The following TYRO3 variants were observed in gnomAD, a reference collection of about 807,000 sequenced individuals.
The protein encoded by TYRO3 is TYRO3 protein tyrosine kinase.
Under a neutral mutation model 95.2 loss-of-function variants are expected in TYRO3, and 38 were observed. That is an observed-to-expected ratio of 0.40 (90% confidence interval 0.31 to 0.52). TYRO3 has a LOEUF of 0.52. Among genes scored for constraint, TYRO3 ranks in the 20% least tolerant of loss-of-function variants. TYRO3 has a pLI of 0.56. For missense variants in TYRO3, 812 were observed against 1,116.4 expected (o/e 0.73, Z 3.89); for synonymous variants, 367 against 432.9 (o/e 0.85, Z 1.89).
chr15:41,559,272 G>C lies in TYRO3; in HGVS notation c.15G>C (p.Arg5=), dbSNP rs1418136980. The change falls in exon 1 of 19, where the codon CGG becomes CGC. Residue 5 remains arginine, a synonymous_variant. Coordinates refer to ENST00000263798, the MANE Select transcript of TYRO3 (RefSeq NM_006293.4). MALR[R]SMGRPGLPPL... ...CGTCGCCGCCGATGGCGCTGAGGCGGAGCATGGGGCGGCCGGGGCTCCCGC... is the reference window on the plus strand; with the variant it reads ...CGTCGCCGCCGATGGCGCTGAGGCGCAGCATGGGGCGGCCGGGGCTCCCGC... 4.2e-6 allele frequency: 2 copies of C among 472,614 alleles called. No individual in the cohort carries two copies. The highest frequency in any genetic ancestry group is 6.2e-4 in the Middle Eastern group (1 of 1,604). The allele number at this position is 472,614 out of a possible 1,614,324, so 29.3% of individuals were successfully genotyped here.
At chr15:41,569,630 G>A (rs1385604480) in intron 9 of TYRO3, among the ~76,000 whole-genome samples, 1 of 152,114 alleles carries the variant, frequency 6.6e-6, no homozygotes, top group Non-Finnish European at 1.5e-5. Context: ...AGTCAGGTGT[G>A]ATGTTGCACA....
At chr15:41,572,857 CT>C in intron 15 of TYRO3, 144 bp from the exon 16 acceptor site, 1 of 757,830 alleles carries the variant, frequency 1.3e-6, no homozygotes, top group Middle Eastern at 2.4e-4. Flanking sequence ...CCGAAGCTTC[CT>C]TGCCTTGGGA....
chr15:41,573,474 A>G lies in TYRO3; in HGVS notation c.2145+7A>G. The G allele has an allele frequency of 1.9e-6, 2 of 1,038,680 alleles. No homozygotes were observed. The highest frequency in any genetic ancestry group is 1.3e-5 in the South Asian group (1 of 74,290). 64.3% of individuals were successfully genotyped at this position (1,038,680 alleles called of 1,614,324 possible). The stretch of plus-strand genomic sequence containing the variant: ...TACTGTGCAGAGTGACGTGGTGAGC[A>G]GGGTGGCCCGTGAAGCTTGGTGGGG... On this transcript the variant is annotated splice_region_variant and intron_variant, in intron 17 of 18. Transcript: ENST00000263798.
chr15:41,564,107 C>T, intron 4 of TYRO3, 77 bp from the exon 5 acceptor site: 4 of 1,352,912 alleles, frequency 3.0e-6, no homozygotes, highest in Non-Finnish European at 4.2e-6. Context: ...AGACCAGAGC[C>T]TGAGTATTCC....
chr15:41,574,781 G>A (rs1047051839), intron 18 of TYRO3: 13 of 453,444 alleles, frequency 2.9e-5, no homozygotes, highest in South Asian at 7.8e-5. Context: ...GTGCAGTGGC[G>A]TGATCTCTGC....
chr15:41,571,626 G>C lies in TYRO3; in HGVS notation c.1692G>C (p.Glu564Asp). The C allele has an allele frequency of 2.5e-6, 4 of 1,613,922 alleles. No individual in the cohort carries two copies. Among genetic ancestry groups the C allele is most frequent in the Non-Finnish European group, 3.4e-6 (4 of 1,179,838 alleles). ...TCATTGCCTCAAGCGACATTGAAGA[G>C]TTCCTCAGGGAAGCAGCTTGCATGA... The part of the protein sequence containing the change: ...ADIIASSDIE[E>D]FLREAACMKE... The change falls in exon 14 of 19, where the codon GAG (glutamate) becomes GAC (aspartate). Residue 564 changes from glutamate (E) to aspartate (D), a missense_variant. Coordinates refer to ENST00000263798, the MANE Select transcript of TYRO3 (RefSeq NM_006293.4).
Position 41,573,803 on chromosome 15 carries a change from G to T in TYRO3, c.2270G>T (p.Cys757Phe). Reference sequence around the variant, plus strand: ...AACCGCCTGAAACAGCCTCCGGAGTGTATGGAGGACGTGTGAGTATCCTGG... The same window carrying T: ...AACCGCCTGAAACAGCCTCCGGAGTTTATGGAGGACGTGTGAGTATCCTGG... The part of the protein sequence containing the change: ...GGNRLKQPPE[C>F]MEDVYDLMYQ... The change falls in exon 18 of 19, where the codon TGT becomes TTT. Residue 757 changes from cysteine to phenylalanine, a missense_variant. By Grantham distance (205) the Cys-to-Phe change is radical (BLOSUM62 -2). Coordinates refer to ENST00000263798, the MANE Select transcript of TYRO3 (RefSeq NM_006293.4). 6.2e-7 allele frequency: 1 copy of T among 1,614,206 alleles called. No homozygotes were observed. Among genetic ancestry groups the T allele is most frequent in the South Asian group, 1.1e-5 (1 of 91,080 alleles).
chr15:41,568,986 A>C lies in TYRO3; in HGVS notation c.1216A>C (p.Ser406Arg). ...CAATGCAGTTGGCTGTGGACCCTGG[A>C]GTCAGCCACTGGTGGTCTCTTCTCA... The part of the protein sequence containing the change: ...VSNAVGCGPW[S>R]QPLVVSSHDR... The change falls in exon 9 of 19, where the codon AGT becomes CGT. Residue 406 changes from serine to arginine, a missense_variant. Ser to Arg is a moderately radical substitution (Grantham distance 110). Transcript: ENST00000263798. 1 of 1,614,110 alleles carries C rather than the reference A, an allele frequency of 6.2e-7. No homozygotes were observed. The highest frequency in any genetic ancestry group is 8.5e-7 in the Non-Finnish European group (1 of 1,180,022).
rs568977402 is a variant in TYRO3, at chr15:41,580,620, G to A, written c.*2344G>A. 1.2e-4 allele frequency: 18 copies of A among 150,540 alleles called. No homozygotes were observed. The highest frequency in any genetic ancestry group is 8.6e-4 in the Admixed American group (13 of 15,038). The allele number at this position is 150,540 out of a possible 1,614,324, so 9.3% of individuals were successfully genotyped here. A position where few individuals can be genotyped will look rare whatever the true frequency, so the allele number is the denominator to read the frequency against. Reference sequence around the variant, plus strand: ...TGCAAATATTCAGCTGGGCACAGTGGCGTGTATTTTTTTTTTTTTTTGAGA... The same window carrying A: ...TGCAAATATTCAGCTGGGCACAGTGACGTGTATTTTTTTTTTTTTTTGAGA... On this transcript the variant is annotated 3_prime_UTR_variant, in exon 19 of 19. Coordinates refer to ENST00000263798, the MANE Select transcript of TYRO3 (RefSeq NM_006293.4).
At position 41,572,691 on chromosome 15, in the gene TYRO3, G is replaced by C. The variant is rs913785237; in HGVS notation, c.1875+127G>C. On this transcript the variant is annotated intron_variant, in intron 15 of 18. Transcript: ENST00000263798. ...GATGGAGCTGGGTGGGAGTAGGAGG[G>C]GTCTGAGTTTGAATCCTTTTAATCT... is the stretch of plus-strand genomic sequence containing the variant. 69 of 1,263,516 alleles carry C rather than the reference G, an allele frequency of 5.5e-5. 1 individual carries two copies. The highest frequency in any genetic ancestry group is 2.0e-5 in the Non-Finnish European group (18 of 920,532). The allele number at this position is 1,263,516 out of a possible 1,614,324, so 78.3% of individuals were successfully genotyped here. A position where few individuals can be genotyped will look rare whatever the true frequency, so the allele number is the denominator to read the frequency against.
chr15:41,564,360 T>C, intron 5 of TYRO3, 90 bp downstream of exon 5: 1 of 1,310,936 alleles, frequency 7.6e-7, no homozygotes, highest in Non-Finnish European at 1.1e-6. Flanking sequence ...GTGTTCCAGC[T>C]CCCCTTGTGG....
chr15:41,565,549 G>A (rs566417098), intron 6 of TYRO3, among the ~76,000 whole-genome samples: 138 of 151,028 alleles, frequency 9.1e-4, no homozygotes, highest in African/African-American at 3.2e-3. Context: ...GCTAGGATTA[G>A]GATTACAGTC....
chr15:41,569,940 G>T, intron 9 of TYRO3, 87 bp from the exon 10 acceptor site: 1 of 1,528,282 alleles, frequency 6.5e-7, no homozygotes, highest in African/African-American at 1.4e-5. Context: ...GGAGCCCCTT[G>T]AACCAGCTGG....
chr15:41,571,555 A>G lies in TYRO3; in HGVS notation c.1661-40A>G, dbSNP rs1412210345. 4 of 1,405,688 alleles carry G rather than the reference A, an allele frequency of 2.8e-6. No individual in the cohort carries two copies. The African/African-American group carries it at 4.2e-5, about 15-fold the overall frequency. 87.1% of individuals were successfully genotyped at this position (1,405,688 alleles called of 1,614,324 possible). A position where few individuals can be genotyped will look rare whatever the true frequency, so the allele number is the denominator to read the frequency against. The stretch of plus-strand genomic sequence containing the variant: ...AGGCCTGGGTCAAAACTAGGGGCAC[A>G]TCTTGTTTTATTTCCTCCTTCCCCA... On this transcript the variant is annotated intron_variant, in intron 13 of 18. Transcript: ENST00000263798.
intron 18 of TYRO3, 190 bp from the exon 19 acceptor site, chr15:41,577,696 A>G: frequency 1.8e-6 from 1 of 557,074 alleles, no homozygotes. Context: ...CATATTGCCC[A>G]GGCTGGTCTC....
At position 41,568,948 on chromosome 15, in the gene TYRO3, G is replaced by A. The variant is rs200610593; in HGVS notation, c.1178G>A (p.Arg393His). The change falls in exon 9 of 19, where the codon CGT becomes CAT. Residue 393 changes from arginine (R) to histidine (H), a missense_variant. Coordinates refer to ENST00000263798, the MANE Select transcript of TYRO3 (RefSeq NM_006293.4). ...GATCCCCAAAAGGACCTGATCGTAC[G>A]TGTGTGCGTCTCCAATGCAGTTGGC... The part of the protein sequence containing the change: ...GWDPQKDLIV[R>H]VCVSNAVGCG... The A allele has an allele frequency of 6.9e-5, 111 of 1,613,982 alleles. No homozygotes were observed. The highest frequency in any genetic ancestry group is 1.7e-4 in the African/African-American group (13 of 75,028).
In TYRO3 at chr15:41,570,628, A is replaced by C; in HGVS notation, c.1508A>C (p.Glu503Ala). The C allele has an allele frequency of 6.2e-7, 1 of 1,614,192 alleles. No individual in the cohort carries two copies. Residue 503 changes from glutamate (E) to alanine (A), a missense_variant, in exon 12 of 19, where the codon GAA (glutamate) becomes GCA (alanine). Coordinates refer to ENST00000263798, the MANE Select transcript of TYRO3 (RefSeq NM_006293.4). Reference protein sequence around the residue: ...ATLDSLGISDELKEKLEDVLI... With the variant: ...ATLDSLGISDALKEKLEDVLI... The stretch of plus-strand genomic sequence containing the variant: ...GTGGACAGCTTGGGCATCAGCGATG[A>C]ACTAAAGGAAAAACTGGAGGATGTG...
intron 7 of TYRO3, 65 bp from the exon 8 acceptor site, chr15:41,568,152 G>C: frequency 2.5e-6 from 4 of 1,596,998 alleles, no homozygotes; most frequent in Non-Finnish European, 3.4e-6. Context: ...GATTCCAAAG[G>C]TCTGCATGGA....
chr15:41,561,900 C>T (rs1406025100), intron 3 of TYRO3: 2 of 361,372 alleles, frequency 5.5e-6, no homozygotes, highest in South Asian at 2.7e-5. Flanking sequence ...AAGCTTCAAG[C>T]ATCCATCTGG....
Sources: gnomAD v4.1 joint callset for allele counts (sites outside exome capture counted in the v4.1 genomes callset) on GRCh38, gnomAD v4.1.1 for gene constraint, MANE v1.5 for transcripts, NCBI Gene and HGNC (gene_info 2026-07-23, HGNC 2026-07-21) for gene names.